SENP8: variants seen among roughly 807,000 people sequenced by gnomAD.
The protein encoded by SENP8 is SUMO peptidase family member, NEDD8 specific.
A neutral mutation model predicts 14.4 loss-of-function variants in SENP8; 10 were observed. That is an observed-to-expected ratio of 0.69 (90% CI 0.43 to 1.18). The LOEUF (loss-of-function observed/expected upper bound fraction) is 1.18. Among genes scored for constraint, SENP8 ranks in the 50% most tolerant of loss-of-function variants. The pLI is 0.00. For missense variants in SENP8, 202 were observed against 249.4 expected (o/e 0.81, Z 1.28); for synonymous variants, 94 against 95.5 (o/e 0.98, Z 0.09).
intron 1 of SENP8, among the ~76,000 whole-genome samples, chr15:72,124,752 A>G (rs148263506): frequency 6.6e-6 from 1 of 152,238 alleles, no homozygotes; most frequent in East Asian, 1.9e-4. Flanking sequence ...AAATCACTGT[A>G]TTTACTAATT....
chr15:72,114,351 CAACA>C (rs1258619458), upstream of SENP8: 2 of 152,050 alleles, frequency 1.3e-5, no homozygotes, highest in Non-Finnish European at 2.9e-5. Context: ...TACAGAAGCC[CAACA>C]AACAGATATT....
intron 1 of SENP8, among the ~76,000 whole-genome samples, chr15:72,130,810 G>A (rs1449479355): frequency 6.6e-6 from 1 of 152,112 alleles, no homozygotes; most frequent in African/African-American, 2.4e-5. Context: ...TGATCCGCCT[G>A]CCTCAGCCTC....
At chr15:72,139,438 A>T in intron 1 of SENP8, 139 bp from the exon 2 acceptor site, 1 of 726,890 alleles carries the variant, frequency 1.4e-6, no homozygotes, top group Non-Finnish European at 2.2e-6. Context: ...ATCCATGTGT[A>T]AGTAGATCTG....
Position 72,139,894 on chromosome 15 carries a change from A to AATG in SENP8, c.274_276dup (p.Asp92dup). On this transcript the variant is annotated inframe_insertion, in exon 2 of 2. Coordinates refer to ENST00000340912, the MANE Select transcript of SENP8 (RefSeq NM_145204.4). ...CAAGAGAGTTGTATTTTTAGCCATC[A>AATG]ATGATAACTCCAACCAGGCAGCTGG... is the stretch of plus-strand genomic sequence containing the variant. 1 of 1,614,230 alleles carries AATG rather than the reference A, an allele frequency of 6.2e-7. No individual in the cohort carries two copies. The highest frequency in any genetic ancestry group is 1.3e-5 in the African/African-American group (1 of 75,064).
At chr15:72,138,630 G>C (rs190033276) in intron 1 of SENP8, among the ~76,000 whole-genome samples, 1 of 151,374 alleles carries the variant, frequency 6.6e-6, no homozygotes, top group East Asian at 2.0e-4. Context: ...GATTTCAGGC[G>C]TGAGCCACAG....
chr15:72,123,487 G>T (rs1403027474), intron 1 of SENP8, among the ~76,000 whole-genome samples: 3 of 151,710 alleles, frequency 2.0e-5, no homozygotes, highest in African/African-American at 4.8e-5. Flanking sequence ...GAAAAACTTG[G>T]TATACACCAG....
chr15:72,133,465 CT>C (rs2081295278), intron 1 of SENP8, among the ~76,000 whole-genome samples: 1 of 152,240 alleles, frequency 6.6e-6, no homozygotes, highest in African/African-American at 2.4e-5. Flanking sequence ...ACCTCTCTGT[CT>C]TCCACATGCA....
Position 72,140,025 on chromosome 15 carries a change from G to A in SENP8, c.402G>A (p.Glu134=). ...SNSVHAKQVA[E]KLEAFLGRKG... is the part of the protein sequence containing the mutation. ...CAGTTCACGCAAAGCAGGTAGCAGAGAAACTGGAGGCTTTCTTAGGCAGAA... is the reference window on the plus strand; with the variant it reads ...CAGTTCACGCAAAGCAGGTAGCAGAAAAACTGGAGGCTTTCTTAGGCAGAA... Residue 134 remains glutamate (E), a synonymous_variant, in exon 2 of 2, where the codon GAG becomes GAA. Transcript: ENST00000340912. 6.2e-7 allele frequency: 1 copy of A among 1,614,206 alleles called. No homozygotes were observed. The highest frequency in any genetic ancestry group is 8.5e-7 in the Non-Finnish European group (1 of 1,180,044).
intron 1 of SENP8, among the ~76,000 whole-genome samples, chr15:72,134,146 A>T (rs532663783): frequency 6.6e-6 from 1 of 152,234 alleles, no homozygotes; most frequent in East Asian, 1.9e-4. Context: ...GAGTTTCACC[A>T]TGTTGCCTGG....
At chr15:72,121,082 CCT>C (rs1419929792) in intron 1 of SENP8, among the ~76,000 whole-genome samples, 1 of 152,186 alleles carries the variant, frequency 6.6e-6, no homozygotes, top group Non-Finnish European at 1.5e-5. Flanking sequence ...CACTTCCCAA[CCT>C]CTCTGCTGGG....
chr15:72,134,675 A>G (rs1412605268), intron 1 of SENP8: 6 of 212,650 alleles, frequency 2.8e-5, no homozygotes, highest in Non-Finnish European at 4.0e-5. Context: ...AGAGGTATCC[A>G]ATATATGTTC....
chr15:72,135,604 G>T (rs1222308655), intron 1 of SENP8, among the ~76,000 whole-genome samples: 1 of 152,306 alleles, frequency 6.6e-6, no homozygotes, highest in Non-Finnish European at 1.5e-5. Flanking sequence ...TTGGCAAAGG[G>T]TGGGTTTGGC....
At chr15:72,133,103 A>G (rs1208814835) in intron 1 of SENP8, among the ~76,000 whole-genome samples, 3 of 152,156 alleles carry the variant, frequency 2.0e-5, no homozygotes, top group Non-Finnish European at 4.4e-5. Flanking sequence ...CCCGGGAGGC[A>G]GAGGTTGCAG....
At position 72,140,162 on chromosome 15, in the gene SENP8, G is replaced by A. The variant is rs747840618; in HGVS notation, c.539G>A (p.Arg180Lys). ...NTEALCQNFF[R>K]QQTESLLQLL... ...GAGGCCTTGTGTCAGAACTTCTTTA[G>A]GCAACAGACAGAATCACTGCTGCAG... The change falls in exon 2 of 2, where the codon AGG (arginine) becomes AAG (lysine). Residue 180 changes from arginine to lysine, a missense_variant. Coordinates refer to ENST00000340912, the MANE Select transcript of SENP8 (RefSeq NM_145204.4). The A allele has an allele frequency of 4.3e-6, 7 of 1,613,960 alleles. No homozygotes were observed. The highest frequency in any genetic ancestry group is 5.9e-6 in the Non-Finnish European group (7 of 1,180,032).
intron 1 of SENP8, among the ~76,000 whole-genome samples, chr15:72,119,397 T>A (rs996103635): frequency 2.0e-5 from 3 of 152,230 alleles, no homozygotes; most frequent in Non-Finnish European, 4.4e-5. Context: ...TGCTAAAGAT[T>A]GAGACTCACT....
chr15:72,115,969 A>G (rs890870581), upstream of SENP8, among the ~76,000 whole-genome samples: 1 of 152,228 alleles, frequency 6.6e-6, no homozygotes, highest in Non-Finnish European at 1.5e-5. Context: ...AGGCACTTCC[A>G]TATGTATTGT....
At chr15:72,128,547 A>T (rs1237706615) in intron 1 of SENP8, among the ~76,000 whole-genome samples, 2 of 152,228 alleles carry the variant, frequency 1.3e-5, no homozygotes, top group Non-Finnish European at 2.9e-5. Context: ...TTTTATTTTT[A>T]AATTTCATGC....
chr15:72,117,904 C>G (rs1489986837), upstream of SENP8: 1 of 398,570 alleles, frequency 2.5e-6, no homozygotes, highest in African/African-American at 2.1e-5. Flanking sequence ...CAGGCACATC[C>G]CCCGCCGCAC....
At chr15:72,128,403 GT>G (rs2081240808) in intron 1 of SENP8, among the ~76,000 whole-genome samples, 1 of 152,158 alleles carries the variant, frequency 6.6e-6, no homozygotes, top group Non-Finnish European at 1.5e-5. Flanking sequence ...AGAATTTGAG[GT>G]TTATGTCATA....
Sources: gnomAD v4.1 joint callset for allele counts (sites outside exome capture counted in the v4.1 genomes callset) on GRCh38, gnomAD v4.1.1 for gene constraint, MANE v1.5 for transcripts, NCBI Gene and HGNC (gene_info 2026-07-23, HGNC 2026-07-21) for gene names.